Variants in ADCY9 observed in about 807,000 individuals in gnomAD.
ADCY9 encodes adenylate cyclase type 9.
Under a neutral mutation model 101.5 loss-of-function variants are expected in ADCY9, and 50 were observed. That is an observed-to-expected ratio of 0.49 (90% CI 0.39 to 0.62). The LOEUF (loss-of-function observed/expected upper bound fraction) is 0.62. Among genes scored for constraint, ADCY9 ranks in the 20% least tolerant of loss-of-function variants. The pLI is 0.00. For missense variants in ADCY9, 1,662 were observed against 1,800.4 expected, an observed-to-expected ratio of 0.92 and a Z score of 1.39; for synonymous variants, 905 against 769.3, an observed-to-expected ratio of 1.18 and a Z score of -2.92.
intron 3 of ADCY9, among the ~76,000 whole-genome samples, chr16:4,004,928 C>T (rs948772147): frequency 1.6e-4 from 25 of 152,168 alleles, no homozygotes; most frequent in African/African-American, 6.0e-4. Flanking sequence ...ACGCATGCTC[C>T]TTCAGGGAAC....
At chr16:4,067,293 G>A (rs1230095988) in intron 2 of ADCY9, among the ~76,000 whole-genome samples, 1 of 152,170 alleles carries the variant, frequency 6.6e-6, no homozygotes. Context: ...TAAACAGATT[G>A]AAATAATGTT....
intron 2 of ADCY9, among the ~76,000 whole-genome samples, chr16:4,017,214 T>A (rs2056444434): frequency 6.7e-6 from 1 of 149,878 alleles, no homozygotes; most frequent in Non-Finnish European, 1.5e-5. Context: ...AATACAGTAA[T>A]GTGAACATCA....
At chr16:4,007,658 T>C (rs1427650336) in intron 2 of ADCY9, 100 bp from the exon 3 acceptor site, 6 of 1,024,242 alleles carry the variant, frequency 5.9e-6, no homozygotes, top group Non-Finnish European at 8.5e-6. Context: ...CCTGGAAAGT[T>C]GAGAGTAAAG....
intron 7 of ADCY9, among the ~76,000 whole-genome samples, chr16:3,980,238 C>T (rs765336581): frequency 1.3e-5 from 2 of 152,072 alleles, no homozygotes; most frequent in African/African-American, 2.4e-5. Context: ...CTTTTGCAGG[C>T]GTGTGTCTAG....
At chr16:4,107,630 C>T (rs1336007982) in intron 2 of ADCY9, among the ~76,000 whole-genome samples, 2 of 148,708 alleles carry the variant, frequency 1.3e-5, no homozygotes, top group Non-Finnish European at 3.0e-5. Context: ...CTGAGCTCTG[C>T]TAACGGGTTA....
chr16:4,021,306 C>T (rs796837733), intron 2 of ADCY9, among the ~76,000 whole-genome samples: 17 of 152,340 alleles, frequency 1.1e-4, no homozygotes, highest in African/African-American at 3.6e-4. Flanking sequence ...GACAAGGCCA[C>T]GCCGGCAGCA....
Position 4,115,705 on chromosome 16 carries a change from G to A in ADCY9, c.-59C>T, listed in dbSNP as rs2057146869. ...CGGGACGGACCTAGAACGCCCGGGG[G>A]TCCCCGCCGCGTGGCCGCCGTGGCT... On this transcript the variant is annotated 5_prime_UTR_variant, in exon 1 of 11. Coordinates refer to ENST00000294016, the MANE Select transcript of ADCY9 (RefSeq NM_001116.4). This position sits in a 1 kb window ranked among gnomAD's most constrained non-coding sequence, Gnocchi z 6.2. 4.7e-6 allele frequency: 2 copies of A among 428,388 alleles called. No individual in the cohort carries two copies. The highest frequency in any genetic ancestry group is 9.1e-5 in the South Asian group (1 of 10,996). The allele number at this position is 428,388 out of a possible 1,614,324, so 26.5% of individuals were successfully genotyped here. A position where few individuals can be genotyped will look rare whatever the true frequency, so the allele number is the denominator to read the frequency against.
chr16:4,099,393 G>A (rs1364659903), intron 2 of ADCY9, among the ~76,000 whole-genome samples: 2 of 152,060 alleles, frequency 1.3e-5, no homozygotes, highest in Admixed American at 6.6e-5. Flanking sequence ...CCGTTTCTTG[G>A]GTGGCATTAT....
intron 9 of ADCY9, among the ~76,000 whole-genome samples, chr16:3,976,128 A>G (rs530633253): frequency 6.6e-6 from 1 of 152,162 alleles, no homozygotes; most frequent in East Asian, 1.9e-4. Flanking sequence ...AGTAGCTGGG[A>G]CTACAGGTGC....
intron 2 of ADCY9, among the ~76,000 whole-genome samples, chr16:4,050,892 A>G (rs570610682): frequency 1.3e-5 from 2 of 152,236 alleles, no homozygotes; most frequent in South Asian, 4.1e-4. Context: ...TGGAGCAAGG[A>G]AAGTTCCGGG....
intron 2 of ADCY9, among the ~76,000 whole-genome samples, chr16:4,036,532 G>A (rs8055731): frequency 0.035 from 4,760 of 137,546 alleles, 271 homozygotes; most frequent in African/African-American, 0.12. Context: ...GTGCAATCTC[G>A]GCTCACTGCA....
At chr16:3,976,965 A>C (rs763500216) in intron 9 of ADCY9, among the ~76,000 whole-genome samples, 1 of 152,104 alleles carries the variant, frequency 6.6e-6, no homozygotes, top group Non-Finnish European at 1.5e-5. Context: ...GCCTGACATA[A>C]TATTTTGAAA....
chr16:4,011,443 G>A (rs530412307), intron 2 of ADCY9, among the ~76,000 whole-genome samples: 7 of 152,310 alleles, frequency 4.6e-5, no homozygotes, highest in African/African-American at 1.2e-4. Context: ...CAGGGAGCCG[G>A]TGGAAATGCC....
chr16:4,082,457 C>G (rs1351448094), intron 2 of ADCY9, among the ~76,000 whole-genome samples: 1 of 152,168 alleles, frequency 6.6e-6, no homozygotes, highest in Non-Finnish European at 1.5e-5. Context: ...GAATCATTTT[C>G]TTTCTTCATG....
At chr16:4,077,593 G>C (rs1322070288) in intron 2 of ADCY9, among the ~76,000 whole-genome samples, 1 of 152,044 alleles carries the variant, frequency 6.6e-6, no homozygotes, top group South Asian at 2.1e-4. Context: ...CATATTTTTG[G>C]CCTTTACCTT....
chr16:3,979,055 GAA>G (rs2056117055), intron 8 of ADCY9, 59 bp downstream of exon 8: 6 of 1,596,954 alleles, frequency 3.8e-6, no homozygotes, highest in Admixed American at 1.7e-5. Flanking sequence ...GTGATTTAAA[GAA>G]AAGAGAGATT....
chr16:3,986,827 C>T (rs942036258), intron 6 of ADCY9, among the ~76,000 whole-genome samples: 8 of 152,214 alleles, frequency 5.3e-5, no homozygotes, highest in Admixed American at 4.6e-4. Context: ...ATCTACTGGC[C>T]TCAAGTGATC....
chr16:4,039,010 T>C (rs1296689060), intron 2 of ADCY9, among the ~76,000 whole-genome samples: 1 of 152,204 alleles, frequency 6.6e-6, no homozygotes, highest in African/African-American at 2.4e-5. Context: ...CAACATCTCC[T>C]ACAACTAAGA....
At chr16:4,105,309 A>T (rs2057069329) in intron 2 of ADCY9, among the ~76,000 whole-genome samples, 1 of 152,196 alleles carries the variant, frequency 6.6e-6, no homozygotes, top group Admixed American at 6.5e-5. Context: ...TGTAAATATC[A>T]ATAGACAACC....
Sources: gnomAD v4.1 joint callset for allele counts (sites outside exome capture counted in the v4.1 genomes callset) on GRCh38, gnomAD v4.1.1 for gene constraint, Gnocchi (gnomAD v3.1) non-coding constraint, MANE v1.5 for transcripts, NCBI Gene and HGNC (gene_info 2026-07-23, HGNC 2026-07-21) for gene names.